The following CA12 variants were observed in gnomAD, a reference collection of about 807,000 sequenced individuals.
CA12 encodes the protein carbonic anhydrase 12, also known as carbonate dehydratase XII.
CA12 carries 36 observed loss-of-function variants against 46.8 expected under a neutral mutation model. The observed-to-expected ratio is 0.77, with a 90% CI of 0.59 to 1.02. The LOEUF (loss-of-function observed/expected upper bound fraction) is 1.02. Among genes scored for constraint, CA12 ranks in the 50% least tolerant of loss-of-function variants. CA12 has a pLI of 0.00. For missense variants in CA12, 436 were observed against 451.4 expected (o/e 0.97, Z 0.31); for synonymous variants, 202 against 187.0 (o/e 1.08, Z -0.65).
intron 2 of CA12, among the ~76,000 whole-genome samples, chr15:63,368,055 G>A (rs2039457677): frequency 6.6e-6 from 1 of 152,138 alleles, no homozygotes; most frequent in East Asian, 1.9e-4. Context: ...TGCCTCCACT[G>A]TTTTCAGTAT....
intron 2 of CA12, among the ~76,000 whole-genome samples, chr15:63,357,837 C>G (rs577090333): frequency 6.6e-6 from 1 of 152,200 alleles, no homozygotes; most frequent in Non-Finnish European, 1.5e-5. Context: ...TCTCCCTGCT[C>G]TCAGCACCGG....
At position 63,328,279 on chromosome 15, in the gene CA12, G is replaced by T; in HGVS notation, c.875-149C>A. ...ACCCTTGGCTCAGGGATTGCCTGAT[G>T]AAGTACAGGAAATTGCCCATCTAGG... On this transcript the variant is annotated intron_variant, in intron 8 of 10. Coordinates refer to ENST00000178638, the MANE Select transcript of CA12 (RefSeq NM_001218.5). This position sits in a 1 kb window ranked among gnomAD's most constrained non-coding sequence, Gnocchi z 5.9. The T allele has an allele frequency of 1.4e-6, 1 of 719,900 alleles. No homozygotes were observed. 44.6% of individuals were successfully genotyped at this position (719,900 alleles called of 1,614,324 possible). A position where few individuals can be genotyped will look rare whatever the true frequency, so the allele number is the denominator to read the frequency against.
In CA12 at chr15:63,348,344, G is replaced by C. The variant is rs2039181065; in HGVS notation, c.107-1635C>G. 6.6e-6 allele frequency among the ~76,000 whole-genome samples: 1 copy of C among 152,194 alleles called. No homozygotes were observed. The highest frequency in any genetic ancestry group is 1.5e-5 in the Non-Finnish European group (1 of 68,046). ...ACACCAAGATGGTGACTAGGGAAGA[G>C]GGAGGCTGGAGGATATCAAAGCAGG... On this transcript the variant is annotated intron_variant, in intron 2 of 10. Coordinates refer to ENST00000178638, the MANE Select transcript of CA12 (RefSeq NM_001218.5). This position sits in a 1 kb window ranked among gnomAD's most constrained non-coding sequence, Gnocchi z 4.6.
intron 4 of CA12, among the ~76,000 whole-genome samples, chr15:63,343,627 A>G (rs964906195): frequency 6.6e-6 from 1 of 152,098 alleles, no homozygotes; most frequent in Non-Finnish European, 1.5e-5. Flanking sequence ...CTACACTTCC[A>G]AGGTCCTTCC....
intron 2 of CA12, among the ~76,000 whole-genome samples, chr15:63,354,146 G>C (rs1051830356): frequency 2.0e-5 from 3 of 152,180 alleles, no homozygotes; most frequent in African/African-American, 7.2e-5. Flanking sequence ...GATGGATGAG[G>C]TCTTATGATG....
chr15:63,349,224 A>C (rs2039193754), intron 2 of CA12, among the ~76,000 whole-genome samples: 1 of 152,128 alleles, frequency 6.6e-6, no homozygotes, highest in African/African-American at 2.4e-5. Context: ...CTGGCTCTTA[A>C]GCTCTGATAT....
rs572613449 is a variant in CA12, at chr15:63,372,213, C to T, written c.106+3445G>A. Among the ~76,000 whole-genome samples, 11 of 152,270 alleles carry T rather than the reference C, an allele frequency of 7.2e-5. No individual in the cohort carries two copies. Among genetic ancestry groups the T allele is most frequent in the East Asian group, 3.9e-4 (2 of 5,186 alleles). ...CTCAGTTCACAGCAAGTGAAGCTGC[C>T]GGGCTCAGCGGGATTGATGCGGGAC... On this transcript the variant is annotated intron_variant, in intron 2 of 10. Transcript: ENST00000178638. This position sits in a 1 kb window ranked among gnomAD's most constrained non-coding sequence, Gnocchi z 4.5.
intron 8 of CA12, among the ~76,000 whole-genome samples, chr15:63,332,137 A>T (rs916729229): frequency 6.6e-6 from 1 of 152,226 alleles, no homozygotes; most frequent in African/African-American, 2.4e-5. Flanking sequence ...TTAGGAAGGT[A>T]AAAAGCCCCT....
At chr15:63,344,199 T>G (rs1053294211) in intron 4 of CA12, among the ~76,000 whole-genome samples, 6 of 152,212 alleles carry the variant, frequency 3.9e-5, no homozygotes, top group African/African-American at 1.4e-4. Context: ...CTCTCTCACA[T>G]GTGAACGGCT....
At position 63,341,261 on chromosome 15, in the gene CA12, A is replaced by G. The variant is rs2039075752; in HGVS notation, c.526-478T>C. On this transcript the variant is annotated intron_variant, in intron 5 of 10. Transcript: ENST00000178638. This position sits in a 1 kb window ranked among gnomAD's most constrained non-coding sequence, Gnocchi z 5.2. ...ATTCATTCCAGGGTACATATAGAGC[A>G]GGGGTGCCCAGCCCCCAGGCTGTGG... 6.6e-6 allele frequency among the ~76,000 whole-genome samples: 1 copy of G among 152,212 alleles called. No individual in the cohort carries two copies. The highest frequency in any genetic ancestry group is 1.5e-5 in the Non-Finnish European group (1 of 68,038).
In CA12 at chr15:63,376,560, T is replaced by TTCTTTCTTTC. The variant is rs1341481746; in HGVS notation, c.86-892_86-883dup. 1.3e-4 allele frequency among the ~76,000 whole-genome samples: 13 copies of TTCTTTCTTTC among 102,376 alleles called. No homozygotes were observed. The East Asian group carries it at 5.3e-3, about 42-fold the overall frequency. 67.2% of individuals were successfully genotyped at this position (102,376 alleles called of 152,430 possible). On this transcript the variant is annotated intron_variant, in intron 1 of 10. Coordinates refer to ENST00000178638, the MANE Select transcript of CA12 (RefSeq NM_001218.5). ...TCCCCTCCCACTCTCTTTCTTTCCTTTCTTTCTTTCTTTCTTTCTTTCTTT... is the reference window on the plus strand; with the variant it reads ...TCCCCTCCCACTCTCTTTCTTTCCTTTCTTTCTTTCTCTTTCTTTCTTTCTTTCTTTCTTT...
chr15:63,350,519 A>G (rs532757196), intron 2 of CA12, among the ~76,000 whole-genome samples: 17 of 152,196 alleles, frequency 1.1e-4, no homozygotes, highest in Non-Finnish European at 2.4e-4. Context: ...GTGATACAGG[A>G]GGATCACGTG....
rs189142481 is a variant in CA12 at position 63,372,290 on chromosome 15, T to C, written c.106+3368A>G. 2.2e-4 allele frequency among the ~76,000 whole-genome samples: 34 copies of C among 152,308 alleles called. No individual in the cohort carries two copies. In the East Asian group the frequency reaches 6.4e-3, roughly 29 times the overall value. On this transcript the variant is annotated intron_variant, in intron 2 of 10. Transcript: ENST00000178638. The surrounding 1 kb of genome is among the most constrained non-coding windows in gnomAD (Gnocchi z 4.5). The stretch of plus-strand genomic sequence containing the variant: ...CACATCATCCCCAGCCTCTCTCTCA[T>C]GATGCCACCTCAGCCATGCTAAGCC...
intron 2 of CA12, 126 bp from the exon 3 acceptor site, chr15:63,346,835 T>A: frequency 9.0e-7 from 1 of 1,106,622 alleles, no homozygotes; most frequent in East Asian, 2.5e-5. Context: ...AGGTAAATCT[T>A]CAAGGCTCAG....
chr15:63,350,948 AG>A (rs1328314754), intron 2 of CA12, among the ~76,000 whole-genome samples: 1 of 152,264 alleles, frequency 6.6e-6, no homozygotes, highest in Non-Finnish European at 1.5e-5. Flanking sequence ...CTAAAACATA[AG>A]GGCTCTTAAA....
At chr15:63,336,187 G>T (rs1406370711) in intron 8 of CA12, among the ~76,000 whole-genome samples, 1 of 152,334 alleles carries the variant, frequency 6.6e-6, no homozygotes, top group East Asian at 1.9e-4. Context: ...TAAGCTGGGA[G>T]ATGGTCTCCA....
Position 63,346,549 on chromosome 15 carries a change from C to A in CA12, c.267G>T (p.Leu89=). 6.2e-7 allele frequency: 1 copy of A among 1,614,074 alleles called. No individual in the cohort carries two copies. The highest frequency in any genetic ancestry group is 2.2e-5 in the East Asian group (1 of 44,868). Residue 89 remains leucine (L), a synonymous_variant, in exon 3 of 11, where the codon CTG becomes CTT. Coordinates refer to ENST00000178638, the MANE Select transcript of CA12 (RefSeq NM_001218.5). ...CCTCACCTGAATGGCCATTGTTGGTCAGGAGAAACTGCTTGTTGGCAGACA... is the reference window on the plus strand; with the variant it reads ...CCTCACCTGAATGGCCATTGTTGGTAAGGAGAAACTGCTTGTTGGCAGACA... The part of the protein sequence containing the change: ...YNLSANKQFL[L]TNNGHSVKLN...
rs2038835009 is a variant in CA12 at position 63,324,179 on chromosome 15, G to C, written c.*2106C>G. 1 of 152,264 alleles carries C rather than the reference G, an allele frequency of 6.6e-6. No individual in the cohort carries two copies. Among genetic ancestry groups the C allele is most frequent in the Admixed American group, 6.5e-5 (1 of 15,282 alleles). 9.4% of individuals were successfully genotyped at this position (152,264 alleles called of 1,614,324 possible). A position where few individuals can be genotyped will look rare whatever the true frequency, so the allele number is the denominator to read the frequency against. ...CTTTCTGCCTCCCGGGCTTTGTCTG[G>C]TCTCAGCCTCGGGGCTGCAATCCAG... On this transcript the variant is annotated 3_prime_UTR_variant, in exon 11 of 11. Coordinates refer to ENST00000178638, the MANE Select transcript of CA12 (RefSeq NM_001218.5).
Position 63,374,580 on chromosome 15 carries a change from C to A in CA12, c.106+1078G>T, listed in dbSNP as rs1318580453. 6.6e-6 allele frequency among the ~76,000 whole-genome samples: 1 copy of A among 152,212 alleles called. No individual in the cohort carries two copies. The highest frequency in any genetic ancestry group is 1.5e-5 in the Non-Finnish European group (1 of 68,040). ...ATAATCAGTACATAAGGGATGTTAG[C>A]AATAACGGAGCCGTGCAGTGCTGGG... On this transcript the variant is annotated intron_variant, in intron 2 of 10. Coordinates refer to ENST00000178638, the MANE Select transcript of CA12 (RefSeq NM_001218.5). This position sits in a 1 kb window ranked among gnomAD's most constrained non-coding sequence, Gnocchi z 4.4.
Sources: gnomAD v4.1 joint callset for allele counts (sites outside exome capture counted in the v4.1 genomes callset) on GRCh38, gnomAD v4.1.1 for gene constraint, Gnocchi (gnomAD v3.1) non-coding constraint, MANE v1.5 for transcripts, NCBI Gene and HGNC (gene_info 2026-07-23, HGNC 2026-07-21) for gene names.